The following LRMDA variants were observed in gnomAD, a reference collection of about 807,000 sequenced individuals.
LRMDA encodes leucine-rich melanocyte differentiation-associated protein.
LRMDA carries 18 observed loss-of-function variants against 29.8 expected under a neutral mutation model. The observed-to-expected ratio is 0.60, with a 90% CI of 0.42 to 0.90. LRMDA has a LOEUF of 0.90. LRMDA is among the 40% of genes least tolerant of loss of function. LRMDA has a pLI of 0.00. For synonymous variants in LRMDA, 125 were observed against 109.4 expected (o/e 1.14, Z -0.89); for missense variants, 273 against 273.9 (o/e 1.00, Z 0.02).
At chr10:75,861,845 A>G (rs78302569) in intron 2 of LRMDA, among the ~76,000 whole-genome samples, 3,166 of 152,206 alleles carry the variant, frequency 0.021, 114 homozygotes, top group African/African-American at 0.071. Context: ...TGCAAGCACA[A>G]TCTTAGTAAA....
chr10:75,954,609 CT>C (rs1564615863), intron 2 of LRMDA, among the ~76,000 whole-genome samples: 3 of 152,210 alleles, frequency 2.0e-5, no homozygotes, highest in African/African-American at 7.2e-5. Flanking sequence ...CTCCTCTCAA[CT>C]GTAACCCCTA....
chr10:76,113,653 G>T (rs1419843282), intron 5 of LRMDA, among the ~76,000 whole-genome samples: 1 of 152,114 alleles, frequency 6.6e-6, no homozygotes, highest in Non-Finnish European at 1.5e-5. Flanking sequence ...AAATTGAGAT[G>T]TGTCTCCAGG....
At chr10:75,715,795 T>G in intron 2 of LRMDA, among the ~76,000 whole-genome samples, 2 of 152,216 alleles carry the variant, frequency 1.3e-5, no homozygotes, top group East Asian at 1.9e-4. Flanking sequence ...TCCCTTCCTC[T>G]TCCCTCCCTT....
intron 5 of LRMDA, among the ~76,000 whole-genome samples, chr10:76,111,360 G>GTA (rs553536877): frequency 7.3e-4 from 111 of 152,346 alleles, no homozygotes; most frequent in African/African-American, 2.5e-3. Context: ...GACGAAGTCC[G>GTA]TACTCAATAC....
intron 2 of LRMDA, among the ~76,000 whole-genome samples, chr10:75,455,824 C>T (rs1018907747): frequency 1.3e-5 from 2 of 152,152 alleles, no homozygotes; most frequent in Non-Finnish European, 2.9e-5. Context: ...TGAGCCACCT[C>T]CTGGAGGGAG....
At chr10:76,295,209 T>C (rs1381215081) in intron 5 of LRMDA, among the ~76,000 whole-genome samples, 2 of 152,210 alleles carry the variant, frequency 1.3e-5, no homozygotes, top group African/African-American at 4.8e-5. Flanking sequence ...TAAAGGATCT[T>C]ATTAAACAAA....
chr10:76,306,039 A>G lies in LRMDA; in HGVS notation c.517-18362A>G, dbSNP rs1050207911. Among the ~76,000 whole-genome samples, 3 of 152,360 alleles carry G rather than the reference A, an allele frequency of 2.0e-5. No homozygotes were observed. In the East Asian group the frequency reaches 5.8e-4, roughly 29 times the overall value. Reference sequence around the variant, plus strand: ...TTAGTATTGTGAAAATTAATATTTAATAATGTAGAGTCCTTATCTAGAAAA... The same window carrying G: ...TTAGTATTGTGAAAATTAATATTTAGTAATGTAGAGTCCTTATCTAGAAAA... On this transcript the variant is annotated intron_variant, in intron 5 of 6. Coordinates refer to ENST00000611255, the MANE Select transcript of LRMDA (RefSeq NM_001305581.2).
At chr10:75,590,704 C>T (rs1840711812) in intron 2 of LRMDA, among the ~76,000 whole-genome samples, 1 of 143,954 alleles carries the variant, frequency 6.9e-6, no homozygotes, top group African/African-American at 2.6e-5. Context: ...TACCTAACTC[C>T]TAACTCTCAC....
chr10:75,976,876 A>C (rs552482326), intron 2 of LRMDA, among the ~76,000 whole-genome samples: 3 of 152,334 alleles, frequency 2.0e-5, no homozygotes, highest in Admixed American at 2.0e-4. Flanking sequence ...TAGATACTGA[A>C]TAAACCCTTG....
chr10:75,740,872 G>A (rs1207200787), intron 2 of LRMDA, among the ~76,000 whole-genome samples: 1 of 152,004 alleles, frequency 6.6e-6, no homozygotes, highest in African/African-American at 2.4e-5. Context: ...AGAGTATATT[G>A]CATTGATATA....
intron 2 of LRMDA, among the ~76,000 whole-genome samples, chr10:75,520,332 G>A (rs1351180980): frequency 6.6e-6 from 1 of 152,004 alleles, no homozygotes; most frequent in Non-Finnish European, 1.5e-5. Flanking sequence ...ACATAGATTT[G>A]GTCTTTCACA....
At chr10:76,307,296 G>T (rs1286947542) in intron 5 of LRMDA, among the ~76,000 whole-genome samples, 1 of 152,170 alleles carries the variant, frequency 6.6e-6, no homozygotes, top group African/African-American at 2.4e-5. Flanking sequence ...TTTTCTGGAG[G>T]TGGAGGCCTT....
intron 2 of LRMDA, among the ~76,000 whole-genome samples, chr10:75,521,443 A>G (rs898827891): frequency 3.9e-5 from 6 of 152,234 alleles, no homozygotes; most frequent in African/African-American, 1.4e-4. Flanking sequence ...GCCTGACTGC[A>G]GCCTCGCAGG....
At chr10:76,345,968 A>G (rs1018067885) in intron 6 of LRMDA, among the ~76,000 whole-genome samples, 2 of 152,194 alleles carry the variant, frequency 1.3e-5, no homozygotes, top group African/African-American at 2.4e-5. Context: ...AATATAACAG[A>G]AAGATCTCCA....
intron 2 of LRMDA, among the ~76,000 whole-genome samples, chr10:76,009,738 G>A (rs1052345798): frequency 6.6e-5 from 10 of 151,990 alleles, no homozygotes; most frequent in African/African-American, 1.7e-4. Flanking sequence ...CTTCTCCTCC[G>A]CAGCCGCTCC....
intron 6 of LRMDA, among the ~76,000 whole-genome samples, chr10:76,358,408 G>A (rs1229831565): frequency 6.6e-6 from 1 of 152,194 alleles, no homozygotes; most frequent in Admixed American, 6.5e-5. Context: ...GTCAAATTAT[G>A]CACAGCGTTT....
At chr10:75,699,379 A>C (rs577959586) in intron 2 of LRMDA, among the ~76,000 whole-genome samples, 111 of 152,354 alleles carry the variant, frequency 7.3e-4, no homozygotes, top group African/African-American at 2.5e-3. Context: ...TTTCATCATC[A>C]TGTGAGCTCA....
At chr10:75,750,404 G>A (rs1372698304) in intron 2 of LRMDA, among the ~76,000 whole-genome samples, 1 of 151,396 alleles carries the variant, frequency 6.6e-6, no homozygotes, top group Non-Finnish European at 1.5e-5. Context: ...CAGACGGGGT[G>A]GCGGTCAGGC....
At chr10:76,181,036 T>C (rs1851039497) in intron 5 of LRMDA, among the ~76,000 whole-genome samples, 1 of 152,150 alleles carries the variant, frequency 6.6e-6, no homozygotes, top group African/African-American at 2.4e-5. Flanking sequence ...ACTGTGAGTC[T>C]TCTCAAAGTG....
Sources: gnomAD v4.1 joint callset for allele counts (sites outside exome capture counted in the v4.1 genomes callset) on GRCh38, gnomAD v4.1.1 for gene constraint, MANE v1.5 for transcripts, NCBI Gene and HGNC (gene_info 2026-07-23, HGNC 2026-07-21) for gene names.